Variants in PTPRE observed in about 807,000 individuals in gnomAD.
PTPRE encodes receptor-type tyrosine-protein phosphatase epsilon.
A neutral mutation model predicts 102.0 loss-of-function variants in PTPRE; 51 were observed. The observed-to-expected ratio is 0.50, with a 90% confidence interval of 0.40 to 0.63. The LOEUF (loss-of-function observed/expected upper bound fraction) is 0.63. PTPRE is among the 30% of genes least tolerant of loss of function. The pLI, the probability that PTPRE is intolerant of heterozygous loss-of-function variation, is 0.00. For synonymous variants in PTPRE, 345 were observed against 348.2 expected (o/e 0.99, Z 0.10); for missense variants, 752 against 915.1 (o/e 0.82, Z 2.30).
chr10:128,030,003 A>G (rs1846597896), intron 2 of PTPRE, among the ~76,000 whole-genome samples: 1 of 152,252 alleles, frequency 6.6e-6, no homozygotes, highest in Non-Finnish European at 1.5e-5. Flanking sequence ...AAAACCTCAA[A>G]GAAAGACCCA....
chr10:128,000,049 T>C (rs990362613), intron 2 of PTPRE: 10 of 855,528 alleles, frequency 1.2e-5, no homozygotes, highest in Non-Finnish European at 1.4e-5. Context: ...GAGGAAAAAA[T>C]GCATTTTCCA....
chr10:127,926,938 A>C (rs1847063362), intron 1 of PTPRE, among the ~76,000 whole-genome samples: 2 of 150,444 alleles, frequency 1.3e-5, no homozygotes, highest in African/African-American at 4.9e-5. Context: ...CAGCCTCCCA[A>C]GTAGCTGGGA....
At chr10:128,001,614 G>A (rs1853904020) in intron 2 of PTPRE, among the ~76,000 whole-genome samples, 1 of 152,126 alleles carries the variant, frequency 6.6e-6, no homozygotes, top group South Asian at 2.1e-4. Context: ...GCACAGGCAG[G>A]GGCTGGCAGC....
At chr10:128,065,878 T>A (rs1850040675) in intron 10 of PTPRE, among the ~76,000 whole-genome samples, 197 bp from the exon 11 acceptor site, 2 of 152,188 alleles carry the variant, frequency 1.3e-5, no homozygotes, top group Admixed American at 1.3e-4. Flanking sequence ...CTAGTCATAG[T>A]TTCAAGGCTG....
chr10:127,958,327 A>C (rs1388951642), intron 1 of PTPRE, among the ~76,000 whole-genome samples: 2 of 152,214 alleles, frequency 1.3e-5, no homozygotes, highest in Non-Finnish European at 2.9e-5. Flanking sequence ...CATTAGCTGT[A>C]GGTTTTTCAT....
At chr10:128,018,895 C>T (rs1845643011) in intron 2 of PTPRE, among the ~76,000 whole-genome samples, 1 of 152,288 alleles carries the variant, frequency 6.6e-6, no homozygotes, top group East Asian at 1.9e-4. Flanking sequence ...CACACTCACA[C>T]AGCACATACA....
At chr10:127,958,267 G>T (rs184979794) in intron 1 of PTPRE, among the ~76,000 whole-genome samples, 2 of 152,134 alleles carry the variant, frequency 1.3e-5, no homozygotes, top group Admixed American at 1.3e-4. Flanking sequence ...TCCTTGCCTC[G>T]TTCCTGATCT....
At chr10:127,942,587 G>A (rs1226102812) in intron 1 of PTPRE, among the ~76,000 whole-genome samples, 1 of 152,218 alleles carries the variant, frequency 6.6e-6, no homozygotes, top group Non-Finnish European at 1.5e-5. Flanking sequence ...GGATGAACCT[G>A]GAAGACGTAC....
At position 127,907,346 on chromosome 10, in the gene PTPRE, TG is replaced by T. The variant is rs2135106563; in HGVS notation, c.-31+41del. 1.0e-6 allele frequency: 1 copy of T among 983,890 alleles called. No individual in the cohort carries two copies. The highest frequency in any genetic ancestry group is 1.2e-4 in the East Asian group (1 of 8,636). The allele number at this position is 983,890 out of a possible 1,614,324, so 60.9% of individuals were successfully genotyped here. A position where few individuals can be genotyped will look rare whatever the true frequency, so the allele number is the denominator to read the frequency against. ...TGCGGACAGGGACCCTGCGCCCCTG[TG>T]GGGAACTGTGCACCCCGGGAGGCCC... is the stretch of plus-strand genomic sequence containing the variant. On this transcript the variant is annotated intron_variant, in intron 1 of 20. Coordinates refer to ENST00000254667, the MANE Select transcript of PTPRE (RefSeq NM_006504.6). The surrounding 1 kb of genome is among the most constrained non-coding windows in gnomAD (Gnocchi z 4.8).
chr10:128,011,980 CA>C (rs1564881418), intron 2 of PTPRE, among the ~76,000 whole-genome samples: 4 of 152,252 alleles, frequency 2.6e-5, no homozygotes, highest in Admixed American at 6.5e-5. Context: ...AGACAGATGA[CA>C]TGCCCAGGGT....
intron 1 of PTPRE, among the ~76,000 whole-genome samples, chr10:127,908,131 A>G (rs1845618157): frequency 6.6e-6 from 1 of 152,254 alleles, no homozygotes; most frequent in Non-Finnish European, 1.5e-5. Context: ...TTATACTTGC[A>G]GAATTATGAT....
chr10:128,047,241 A>C, intron 3 of PTPRE, 149 bp from the exon 4 acceptor site: 1 of 1,182,538 alleles, frequency 8.5e-7, no homozygotes, highest in Non-Finnish European at 1.2e-6. Flanking sequence ...CTTCTCTGTT[A>C]CCTCGTGGGG....
intron 2 of PTPRE, among the ~76,000 whole-genome samples, chr10:128,013,594 G>T (rs746249269): frequency 6.6e-6 from 1 of 152,188 alleles, no homozygotes; most frequent in African/African-American, 2.4e-5. Flanking sequence ...TCACCAATGT[G>T]CTGGGTTGAG....
chr10:127,994,562 C>T lies in PTPRE; in HGVS notation c.-8+12266C>T, dbSNP rs114233602. Among the ~76,000 whole-genome samples, 1,093 of 152,222 alleles carry T rather than the reference C, an allele frequency of 7.2e-3. 18 individuals are homozygous for T. Among genetic ancestry groups the T allele is most frequent in the African/African-American group, 0.025 (1,039 of 41,528 alleles). Reference sequence around the variant, plus strand: ...TAGGTGCATGAATGAATAGTCTTTACGTGACTTTGTATCCTTTTAGGAGCA... The same window carrying T: ...TAGGTGCATGAATGAATAGTCTTTATGTGACTTTGTATCCTTTTAGGAGCA... On this transcript the variant is annotated intron_variant, in intron 2 of 20. Coordinates refer to ENST00000254667, the MANE Select transcript of PTPRE (RefSeq NM_006504.6).
intron 11 of PTPRE, among the ~76,000 whole-genome samples, chr10:128,067,176 A>G (rs1222367637): frequency 6.7e-6 from 1 of 149,440 alleles, no homozygotes; most frequent in Non-Finnish European, 1.5e-5. Flanking sequence ...GCACACATGC[A>G]CACATTCACA....
chr10:128,032,382 G>C (rs1431211051), intron 2 of PTPRE, among the ~76,000 whole-genome samples: 2 of 152,216 alleles, frequency 1.3e-5, no homozygotes, highest in East Asian at 3.9e-4. Flanking sequence ...TCTGTAGACT[G>C]TCCACTTGTG....
rs1852023502 is a variant in PTPRE at position 128,085,495 on chromosome 10, A to G, written c.*2589A>G. ...TTTACGGTTTCTCTCCATGTGCTAT[A>G]TGAATGAAGAATGCATACCAGTGTT... is the stretch of plus-strand genomic sequence containing the variant. On this transcript the variant is annotated 3_prime_UTR_variant, in exon 21 of 21. Transcript: ENST00000254667. 6.5e-6 allele frequency: 1 copy of G among 154,330 alleles called. No individual in the cohort carries two copies. Among genetic ancestry groups the G allele is most frequent in the Non-Finnish European group, 1.4e-5 (1 of 68,982 alleles). 9.6% of individuals were successfully genotyped at this position (154,330 alleles called of 1,614,324 possible). A position where few individuals can be genotyped will look rare whatever the true frequency, so the allele number is the denominator to read the frequency against.
chr10:127,937,400 T>C (rs1184668383), intron 1 of PTPRE, among the ~76,000 whole-genome samples: 1 of 152,146 alleles, frequency 6.6e-6, no homozygotes, highest in Non-Finnish European at 1.5e-5. Context: ...ATTGACAATA[T>C]GAATCCTGAA....
intron 1 of PTPRE, among the ~76,000 whole-genome samples, chr10:127,968,977 C>G (rs1416630919): frequency 6.6e-6 from 1 of 152,220 alleles, no homozygotes; most frequent in Non-Finnish European, 1.5e-5. Flanking sequence ...TAAACACTTT[C>G]CTGGTGTTAC....
Sources: gnomAD v4.1 joint callset for allele counts (sites outside exome capture counted in the v4.1 genomes callset) on GRCh38, gnomAD v4.1.1 for gene constraint, Gnocchi (gnomAD v3.1) non-coding constraint, MANE v1.5 for transcripts, NCBI Gene and HGNC (gene_info 2026-07-23, HGNC 2026-07-21) for gene names.